SNRPG: variants seen among roughly 807,000 people sequenced by gnomAD.
The protein encoded by SNRPG is small nuclear ribonucleoprotein G.
In SNRPG, 3 loss-of-function variants were observed where a neutral mutation model predicts 13.9. That is an observed-to-expected ratio of 0.22 (90% CI 0.10 to 0.56). The LOEUF is 0.56. SNRPG is among the 20% of genes least tolerant of loss of function. SNRPG has a pLI of 0.93. For missense variants in SNRPG, 34 were observed against 96.1 expected (o/e 0.35, Z 2.70); for synonymous variants, 29 against 29.3 (o/e 0.99, Z 0.03).
chr2:70,287,361 G>C (rs1257934100), intron 3 of SNRPG: 1 of 702,412 alleles, frequency 1.4e-6, no homozygotes, highest in Non-Finnish European at 2.6e-6. Flanking sequence ...CGCTTTATTA[G>C]GTATGTTGTC....
intron 1 of SNRPG, among the ~76,000 whole-genome samples, chr2:70,289,717 C>T (rs370684602): frequency 3.9e-4 from 59 of 151,992 alleles, no homozygotes; most frequent in African/African-American, 1.4e-3. Context: ...AGGCTGAGGT[C>T]GGAGAATCAC....
chr2:70,283,097 A>C (rs1190031565), intron 3 of SNRPG, among the ~76,000 whole-genome samples: 4 of 80,028 alleles, frequency 5.0e-5, no homozygotes, highest in African/African-American at 1.1e-4. Context: ...GTCTTTTGTC[A>C]AAAAAAAAAA....
intron 2 of SNRPG, 82 bp from the exon 3 acceptor site, chr2:70,288,274 A>G (rs1426495703): frequency 1.6e-6 from 2 of 1,218,598 alleles, no homozygotes; most frequent in South Asian, 1.2e-5. Context: ...GGGATAAAAC[A>G]CAAGTATTTG....
chr2:70,293,383 GACTA>G (rs1697154698), intron 1 of SNRPG: 1 of 628,836 alleles, frequency 1.6e-6, no homozygotes, highest in African/African-American at 1.8e-5. Context: ...GGGACCTGGA[GACTA>G]GTCGGCCGGA....
At chr2:70,284,504 C>A (rs1696892621) in intron 3 of SNRPG, among the ~76,000 whole-genome samples, 2 of 152,138 alleles carry the variant, frequency 1.3e-5, no homozygotes, top group Admixed American at 1.3e-4. Context: ...CCACTTCAGC[C>A]TCTCAAGTAG....
chr2:70,286,674 C>A (rs1003075874), intron 3 of SNRPG, among the ~76,000 whole-genome samples: 2 of 152,066 alleles, frequency 1.3e-5, no homozygotes, highest in Non-Finnish European at 2.9e-5. Flanking sequence ...AAAATAAAGT[C>A]CATAAAGTTT....
intron 2 of SNRPG, among the ~76,000 whole-genome samples, chr2:70,288,489 G>T (rs905292974): frequency 6.6e-6 from 1 of 152,182 alleles, no homozygotes; most frequent in Non-Finnish European, 1.5e-5. Flanking sequence ...GAACTCCTGG[G>T]CTCAAGGGAT....
At chr2:70,292,335 C>T (rs1403089862) in intron 1 of SNRPG, among the ~76,000 whole-genome samples, 1 of 151,802 alleles carries the variant, frequency 6.6e-6, no homozygotes, top group Non-Finnish European at 1.5e-5. Flanking sequence ...TACAAATGGA[C>T]CTTTAAATGC....
intron 3 of SNRPG, chr2:70,287,309 T>C (rs573097212): frequency 1.4e-4 from 95 of 702,846 alleles, no homozygotes; most frequent in Non-Finnish European, 2.0e-4. Context: ...TAAAAGTAAG[T>C]TGTCCTTTTT....
chr2:70,293,159 A>G, intron 1 of SNRPG: 6 of 702,400 alleles, frequency 8.5e-6, no homozygotes, highest in Non-Finnish European at 1.6e-5. Context: ...CTACAAACAC[A>G]TTTGCTAAGA....
chr2:70,293,441 G>C, intron 1 of SNRPG, 177 bp downstream of exon 1: 1 of 696,568 alleles, frequency 1.4e-6, no homozygotes. Flanking sequence ...CGACGCGCGA[G>C]CTCTGCGCGG....
At chr2:70,284,910 G>GT (rs1441344510) in intron 3 of SNRPG, among the ~76,000 whole-genome samples, 4 of 152,124 alleles carry the variant, frequency 2.6e-5, no homozygotes, top group Admixed American at 2.0e-4. Flanking sequence ...ACAGACATCC[G>GT]TAAGTTTTAC....
chr2:70,287,797 C>T lies in SNRPG; in HGVS notation c.180+271G>A, dbSNP rs1696979894. 1.0e-5 allele frequency: 5 copies of T among 485,288 alleles called. No individual in the cohort carries two copies. In the East Asian group the frequency reaches 1.9e-4, roughly 18 times the overall value. 30.1% of individuals were successfully genotyped at this position (485,288 alleles called of 1,614,324 possible). On this transcript the variant is annotated intron_variant, in intron 3 of 3. Coordinates refer to ENST00000272348, the MANE Select transcript of SNRPG (RefSeq NM_003096.4). ...AACTACTGCTCTAATGAAGGACCAA[C>T]TATGAGCCTCTATTGCAGAATAAAG... is the stretch of plus-strand genomic sequence containing the variant.
At chr2:70,284,647 G>T (rs1223368906) in intron 3 of SNRPG, among the ~76,000 whole-genome samples, 6 of 152,120 alleles carry the variant, frequency 3.9e-5, no homozygotes. Flanking sequence ...GCCTCCCAAA[G>T]TGCTGGGATT....
intron 1 of SNRPG, among the ~76,000 whole-genome samples, chr2:70,292,298 T>C (rs1033152148): frequency 6.6e-6 from 1 of 152,036 alleles, no homozygotes; most frequent in Non-Finnish European, 1.5e-5. Flanking sequence ...TACATAGAAG[T>C]AGTTTTCATA....
chr2:70,286,168 TCCTCCTGCTTCAG>T (rs1463895530), intron 3 of SNRPG, among the ~76,000 whole-genome samples: 5 of 152,144 alleles, frequency 3.3e-5, no homozygotes, highest in Admixed American at 3.3e-4. Context: ...GCTCAAGTGA[TCCTCCTGCTTCAG>T]CCTCTCGAAG....
chr2:70,282,161 T>A (rs1166786455), intron 3 of SNRPG, among the ~76,000 whole-genome samples: 2 of 152,102 alleles, frequency 1.3e-5, no homozygotes, highest in African/African-American at 2.4e-5. Context: ...AGTAATCTGC[T>A]TGCCTCAGCC....
intron 1 of SNRPG, among the ~76,000 whole-genome samples, chr2:70,291,110 AAC>A (rs753843511): frequency 6.6e-6 from 1 of 152,094 alleles, no homozygotes; most frequent in Non-Finnish European, 1.5e-5. Flanking sequence ...TATCAAATAT[AAC>A]ACACAAGATC....
In SNRPG at chr2:70,293,726, C is replaced by G; in HGVS notation, c.-77G>C. 3 of 1,385,364 alleles carry G rather than the reference C, an allele frequency of 2.2e-6. No individual in the cohort carries two copies. Among genetic ancestry groups the G allele is most frequent in the Non-Finnish European group, 3.1e-6 (3 of 971,694 alleles). 85.8% of individuals were successfully genotyped at this position (1,385,364 alleles called of 1,614,324 possible). A position where few individuals can be genotyped will look rare whatever the true frequency, so the allele number is the denominator to read the frequency against. ...CCTCACGCTCCCGCTGTAGGCCCGG[C>G]GTCTTGCGTCTGGCGTCATCGACCT... On this transcript the variant is annotated 5_prime_UTR_variant, in exon 1 of 4. Coordinates refer to ENST00000272348, the MANE Select transcript of SNRPG (RefSeq NM_003096.4).
Sources: allele counts gnomAD v4.1 joint callset (sites outside exome capture counted in the v4.1 genomes callset), GRCh38; gene constraint gnomAD v4.1.1; transcripts MANE v1.5; gene names NCBI Gene and HGNC (gene_info 2026-07-23, HGNC 2026-07-21).